Variants in PDIA3 observed in about 807,000 individuals in gnomAD.
PDIA3 encodes the protein protein disulfide isomerase family A member 3, also known as protein disulfide-isomerase A3.
A neutral mutation model predicts 56.9 loss-of-function variants in PDIA3; 16 were observed. The observed-to-expected ratio is 0.28, with a 90% CI of 0.19 to 0.43. The LOEUF (loss-of-function observed/expected upper bound fraction) is 0.43, where lower values mean the gene tolerates loss of function less well. Ranked by LOEUF, PDIA3 falls within the 20% of genes least tolerant of loss-of-function variation. The pLI is 1.00. For synonymous variants in PDIA3, 192 were observed against 216.5 expected (o/e 0.89, Z 0.99); for missense variants, 485 against 621.3 (o/e 0.78, Z 2.33).
At position 43,761,493 on chromosome 15, in the gene PDIA3, T is replaced by G. The variant is rs1216267729; in HGVS notation, c.434T>G (p.Phe145Cys). Residue 145 changes from phenylalanine (F) to cysteine (C), a missense_variant, in exon 4 of 13, where the codon TTT becomes TGT. Physicochemically the swap from Phe to Cys is radical, Grantham distance 205. Coordinates refer to ENST00000300289, the MANE Select transcript of PDIA3 (RefSeq NM_005313.5). Reference protein sequence around the residue: ...ASVPLRTEEEFKKFISDKDAS... With the variant: ...ASVPLRTEEECKKFISDKDAS... ...GTGCCTCTCAGGACTGAGGAAGAAT[T>G]TAAGAAATTCATTAGTGATAAAGAT... 1 of 1,596,736 alleles carries G rather than the reference T, an allele frequency of 6.3e-7. No individual in the cohort carries two copies. Among genetic ancestry groups the G allele is most frequent in the Non-Finnish European group, 8.6e-7 (1 of 1,166,462 alleles).
At chr15:43,756,539 G>A in intron 2 of PDIA3, 110 bp from the exon 3 acceptor site, 2 of 704,922 alleles carry the variant, frequency 2.8e-6, no homozygotes. Context: ...TATATGCCAA[G>A]AATTCCTTGA....
At chr15:43,761,794 CAATT>C (rs1334997886) in intron 4 of PDIA3, among the ~76,000 whole-genome samples, 1 of 151,510 alleles carries the variant, frequency 6.6e-6, no homozygotes, top group Non-Finnish European at 1.5e-5. Context: ...GGTTTAATTT[CAATT>C]AAAGGGACTG....
intron 2 of PDIA3, among the ~76,000 whole-genome samples, chr15:43,755,914 CAAA>C (rs71854552): frequency 2.3e-5 from 2 of 88,606 alleles, no homozygotes; most frequent in Non-Finnish European, 4.7e-5. Flanking sequence ...AACTCCGTCT[CAAA>C]AAAAAAAAAA....
chr15:43,748,925 T>G (rs1018307624), intron 1 of PDIA3, among the ~76,000 whole-genome samples: 3 of 146,920 alleles, frequency 2.0e-5, no homozygotes, highest in African/African-American at 7.6e-5. Flanking sequence ...CCTGCCACAA[T>G]GCCCAGCTAA....
intron 5 of PDIA3, among the ~76,000 whole-genome samples, chr15:43,764,637 T>C (rs1036186661): frequency 2.6e-5 from 4 of 152,042 alleles, no homozygotes. Flanking sequence ...CTGGGTAGTT[T>C]ATGTGTTTTT....
At chr15:43,770,184 A>G (rs978674173) in intron 10 of PDIA3, 66 bp from the exon 11 acceptor site, 25 of 1,282,728 alleles carry the variant, frequency 1.9e-5, no homozygotes, top group Middle Eastern at 1.8e-4. Context: ...TAAGTCTTCA[A>G]TTGACTAAGT....
At chr15:43,753,719 A>C in intron 1 of PDIA3, 105 bp from the exon 2 acceptor site, 1 of 793,020 alleles carries the variant, frequency 1.3e-6, no homozygotes, top group Middle Eastern at 2.3e-4. Context: ...GGAAGTGTCT[A>C]CTAGCTCAAA....
At position 43,761,421 on chromosome 15, in the gene PDIA3, A is replaced by C; in HGVS notation, c.365-3A>C. 2 of 1,519,894 alleles carry C rather than the reference A, an allele frequency of 1.3e-6. No homozygotes were observed. The highest frequency in any genetic ancestry group is 1.8e-6 in the Non-Finnish European group (2 of 1,103,886). 94.2% of individuals were successfully genotyped at this position (1,519,894 alleles called of 1,614,324 possible). ...TGTCATAACTTTTATTTTGACTTCT[A>C]AGATGGAATTGTCAGCCACTTGAAG... On this transcript the variant is annotated splice_region_variant and splice_polypyrimidine_tract_variant and intron_variant, in intron 3 of 12. Transcript: ENST00000300289.
intron 3 of PDIA3, 81 bp downstream of exon 3, chr15:43,756,847 T>C: frequency 1.3e-6 from 1 of 786,248 alleles, no homozygotes; most frequent in East Asian, 2.5e-5. Context: ...TGTGTTTTTC[T>C]ACACAGTATA....
At chr15:43,758,638 A>G (rs1018824071) in intron 3 of PDIA3, among the ~76,000 whole-genome samples, 6 of 148,124 alleles carry the variant, frequency 4.1e-5, no homozygotes, top group African/African-American at 1.5e-4. Flanking sequence ...AGCCTGGGGA[A>G]CAACGCAAGA....
chr15:43,768,916 C>T (rs967648351), intron 9 of PDIA3, among the ~76,000 whole-genome samples: 9 of 151,568 alleles, frequency 5.9e-5, no homozygotes, highest in Admixed American at 4.0e-4. Flanking sequence ...CCCAGCTACT[C>T]GGGAGGCTGA....
In PDIA3 at chr15:43,773,048, T is replaced by C. The variant is rs1384767510; in HGVS notation, c.*1830T>C. 7 of 1,395,910 alleles carry C rather than the reference T, an allele frequency of 5.0e-6. No individual in the cohort carries two copies. In the Admixed American group the frequency reaches 1.6e-4, roughly 31 times the overall value. 86.5% of individuals were successfully genotyped at this position (1,395,910 alleles called of 1,614,324 possible). ...AAGAAAAGCAGATAGTTGCATTCTA[T>C]TTAGTTTATAGCTGCTTTGTTCCTT... On this transcript the variant is annotated 3_prime_UTR_variant, in exon 13 of 13. Transcript: ENST00000300289.
At chr15:43,762,587 T>C (rs2086823615) in intron 4 of PDIA3, among the ~76,000 whole-genome samples, 3 of 152,208 alleles carry the variant, frequency 2.0e-5, no homozygotes, top group Admixed American at 1.3e-4. Flanking sequence ...AAGCCACTTT[T>C]TATCATCTAG....
intron 1 of PDIA3, among the ~76,000 whole-genome samples, chr15:43,747,622 G>A (rs977854491): frequency 5.3e-5 from 8 of 151,852 alleles, no homozygotes; most frequent in African/African-American, 1.9e-4. Context: ...AGAGTAAACA[G>A]TGATTCCTTT....
At chr15:43,749,912 A>G (rs867773303) in intron 1 of PDIA3, among the ~76,000 whole-genome samples, 2 of 151,902 alleles carry the variant, frequency 1.3e-5, no homozygotes, top group African/African-American at 4.8e-5. Context: ...GCACCATTGC[A>G]CTCCAGCCTA....
In PDIA3 at chr15:43,765,434, C is replaced by CTT. The variant is rs747857317; in HGVS notation, c.603-5_603-4dup. On this transcript the variant is annotated splice_polypyrimidine_tract_variant and intron_variant, in intron 5 of 12. Coordinates refer to ENST00000300289, the MANE Select transcript of PDIA3 (RefSeq NM_005313.5). ...CTGCTATCTGCCTACTGAGACTTTT[C>CTT]TTTTTTTTTTTTAAGGGGTATCATC... is the stretch of plus-strand genomic sequence containing the variant. 1,919 of 1,172,086 alleles carry CTT rather than the reference C, an allele frequency of 1.6e-3. No homozygotes were observed. Among genetic ancestry groups the CTT allele is most frequent in the Non-Finnish European group, 1.9e-3 (1,585 of 822,808 alleles). The allele number at this position is 1,172,086 out of a possible 1,614,324, so 72.6% of individuals were successfully genotyped here.
intron 4 of PDIA3, among the ~76,000 whole-genome samples, chr15:43,762,264 C>A (rs1280149948): frequency 1.3e-5 from 2 of 152,304 alleles, no homozygotes; most frequent in East Asian, 3.9e-4. Flanking sequence ...GTAATCCCAG[C>A]ACTTTGGGAG....
intron 3 of PDIA3, among the ~76,000 whole-genome samples, chr15:43,760,690 C>T (rs895498697): frequency 8.5e-4 from 128 of 151,386 alleles, no homozygotes; most frequent in African/African-American, 3.0e-3. Context: ...CCACCATGCC[C>T]GGCTAATTTT....
chr15:43,766,700 T>C, intron 7 of PDIA3, 28 bp from the exon 8 acceptor site: 1 of 1,606,514 alleles, frequency 6.2e-7, no homozygotes, highest in Non-Finnish European at 8.5e-7. Context: ...TGTATAGTCT[T>C]GGCACAAATG....
Sources: gnomAD v4.1 joint callset for allele counts (sites outside exome capture counted in the v4.1 genomes callset) on GRCh38, gnomAD v4.1.1 for gene constraint, MANE v1.5 for transcripts, NCBI Gene and HGNC (gene_info 2026-07-23, HGNC 2026-07-21) for gene names.